Variants in KDM5C observed in about 807,000 individuals in gnomAD.
KDM5C encodes the protein lysine demethylase 5C, also known as lysine-specific demethylase 5C.
KDM5C carries 16 observed loss-of-function variants against 110.6 expected under a neutral mutation model. The observed-to-expected ratio is 0.14, with a 90% CI of 0.10 to 0.22. KDM5C has a LOEUF of 0.22. KDM5C is among the 10% of genes least tolerant of loss of function. The pLI is 1.00. For missense variants in KDM5C, 681 were observed against 1,300.9 expected (o/e 0.52, Z 7.33); for synonymous variants, 511 against 520.4 (o/e 0.98, Z 0.24).
downstream of KDM5C, chrX:53,191,406 T>C: frequency 3.4e-5 from 6 of 174,963 alleles, no homozygotes; most frequent in Non-Finnish European, 6.6e-5. Context: ...GGATATGGAG[T>C]TTCTTTCTGC....
rs1556848056 is a variant in KDM5C, at chrX:53,210,281, C to T, written c.1746+133G>A. 12 of 837,883 alleles carry T rather than the reference C, an allele frequency of 1.4e-5. No homozygotes were observed. Among genetic ancestry groups the T allele is most frequent in the African/African-American group, 1.0e-4 (5 of 49,369 alleles). The allele number at this position is 837,883 out of a possible 1,213,427, so 69.1% of individuals were successfully genotyped here. A position where few individuals can be genotyped will look rare whatever the true frequency, so the allele number is the denominator to read the frequency against. Reference sequence around the variant, plus strand: ...GGGTCTCTACTAGACTAGTCAAACCCGTAGCCCAATTAAGAACAGCAATGA... The same window carrying T: ...GGGTCTCTACTAGACTAGTCAAACCTGTAGCCCAATTAAGAACAGCAATGA... On this transcript the variant is annotated intron_variant, in intron 12 of 25. Coordinates refer to ENST00000375401, the MANE Select transcript of KDM5C (RefSeq NM_004187.5).
chrX:53,177,927 C>T (rs191036672), intron 25 of KDM5C, among the ~76,000 whole-genome samples: 9 of 111,608 alleles, frequency 8.1e-5, no homozygotes, highest in South Asian at 3.8e-4. Context: ...GGCGTGATCA[C>T]GGCTCACTGC....
rs1934734016 is a variant in KDM5C, at chrX:53,195,084, A to G, written c.3301-16T>C. On this transcript the variant is annotated splice_polypyrimidine_tract_variant and intron_variant, in intron 21 of 25. Coordinates refer to ENST00000375401, the MANE Select transcript of KDM5C (RefSeq NM_004187.5). ...GGCAGAGAACCTGGGGCAGGCAGAC[A>G]AGAGAGGGAATGACTGGGCTTCCCT... 1 of 1,206,173 alleles carries G rather than the reference A, an allele frequency of 8.3e-7. No homozygotes were observed.
rs782581883 is a variant in KDM5C, at chrX:53,215,211, G to A, written c.964-364C>T. 20 of 375,827 alleles carry A rather than the reference G, an allele frequency of 5.3e-5. No homozygotes were observed. The East Asian group carries it at 1.3e-3, about 25-fold the overall frequency. The allele number at this position is 375,827 out of a possible 1,213,427, so 31.0% of individuals were successfully genotyped here. A position where few individuals can be genotyped will look rare whatever the true frequency, so the allele number is the denominator to read the frequency against. On this transcript the variant is annotated intron_variant, in intron 7 of 25. Transcript: ENST00000375401. The stretch of plus-strand genomic sequence containing the variant: ...AAGGGCACTGTGGGAGCCTAGAGAA[G>A]GAAGCACTCAAAGCAGCTGGAGATA...
intron 10 of KDM5C, 125 bp downstream of exon 10, chrX:53,211,372 A>C: frequency 1.3e-6 from 1 of 753,483 alleles, no homozygotes; most frequent in Non-Finnish European, 2.0e-6. Context: ...CATCTCATCT[A>C]AATCTCATGG....
intron 7 of KDM5C, chrX:53,215,161 TA>T: frequency 2.4e-6 from 1 of 424,825 alleles, no homozygotes; most frequent in Non-Finnish European, 4.4e-6. Flanking sequence ...TCATAAAAAT[TA>T]AAAATTGCCA....
chrX:53,204,791 C>T (rs781836990), intron 12 of KDM5C, among the ~76,000 whole-genome samples: 31 of 112,080 alleles, frequency 2.8e-4, no homozygotes, highest in African/African-American at 8.7e-4. Flanking sequence ...CCACTGCACC[C>T]GGCCCTCACA....
At chrX:53,178,614 T>A (rs1466364342) in intron 25 of KDM5C, among the ~76,000 whole-genome samples, 1 of 112,115 alleles carries the variant, frequency 8.9e-6, no homozygotes, top group African/African-American at 3.2e-5. Context: ...CTTCAAAAAA[T>A]TAACTCAAAG....
intron 19 of KDM5C, 90 bp downstream of exon 19, chrX:53,196,596 T>C (rs1396636573): frequency 1.3e-6 from 1 of 753,371 alleles, no homozygotes. Flanking sequence ...GCGTGATACC[T>C]AAGGCCACCC....
In KDM5C at chrX:53,224,928, G is replaced by A. The variant is rs2073998725; in HGVS notation, c.-39C>T. On this transcript the variant is annotated 5_prime_UTR_variant, in exon 1 of 26. Coordinates refer to ENST00000375401, the MANE Select transcript of KDM5C (RefSeq NM_004187.5). ...TCTGGGCCAGGGATCGGGAGGCTTG[G>A]ACCGCCCTTAAGGACTCATGGCGCC... 1.7e-6 allele frequency: 2 copies of A among 1,176,815 alleles called. No individual in the cohort carries two copies. Among genetic ancestry groups the A allele is most frequent in the African/African-American group, 3.5e-5 (2 of 56,396 alleles).
intron 25 of KDM5C, among the ~76,000 whole-genome samples, chrX:53,180,479 G>C (rs1051745163): frequency 1.8e-5 from 2 of 110,986 alleles, no homozygotes; most frequent in Non-Finnish European, 3.8e-5. Flanking sequence ...CCACTCTGCT[G>C]GGGATGTTGA....
chrX:53,193,186 C>T lies in KDM5C; in HGVS notation c.4464G>A (p.Glu1488=), dbSNP rs782089704. 1 of 1,210,757 alleles carries T rather than the reference C, an allele frequency of 8.3e-7. No individual in the cohort carries two copies. The highest frequency in any genetic ancestry group is 3.0e-5 in the East Asian group (1 of 33,748). Residue 1488 remains glutamate (E), a synonymous_variant, in exon 26 of 26, where the codon GAG becomes GAA. Coordinates refer to ENST00000375401, the MANE Select transcript of KDM5C (RefSeq NM_004187.5). ...EPKRVRSSGP[E]AEEVQEEEEL... ...CTTCCTCCTCCTGGACCTCCTCAGC[C>T]TCTGGCCCTGAGCTCCGTACCCTCT...
intron 25 of KDM5C, among the ~76,000 whole-genome samples, chrX:53,185,600 G>T (rs1934194620): frequency 8.9e-6 from 1 of 111,815 alleles, no homozygotes; most frequent in Non-Finnish European, 1.9e-5. Context: ...AATCATGAAT[G>T]GGCTCCCTGA....
downstream of KDM5C, among the ~76,000 whole-genome samples, chrX:53,187,172 A>G (rs1208220226): frequency 9.0e-6 from 1 of 111,160 alleles, no homozygotes; most frequent in Non-Finnish European, 1.9e-5. Context: ...ATCTGGCTAT[A>G]AGCCACTGCT....
chrX:53,192,882 C>CCCCCCCCACCCA lies in KDM5C; in HGVS notation c.*84_*85insTGGGTGGGGGGG. On this transcript the variant is annotated 3_prime_UTR_variant, in exon 26 of 26. Coordinates refer to ENST00000375401, the MANE Select transcript of KDM5C (RefSeq NM_004187.5). ...GGCCACCCCCCTACCCGCCCACCCCCCAAGAAGCAGGCTTGATGGTCAGAA... is the reference window on the plus strand; with the variant it reads ...GGCCACCCCCCTACCCGCCCACCCCCCCCCCCCACCCACAAGAAGCAGGCTTGATGGTCAGAA... The CCCCCCCCACCCA allele has an allele frequency of 9.4e-7, 1 of 1,061,106 alleles. No homozygotes were observed. Among genetic ancestry groups the CCCCCCCCACCCA allele is most frequent in the Admixed American group, 3.4e-5 (1 of 29,583 alleles). 87.4% of individuals were successfully genotyped at this position (1,061,106 alleles called of 1,213,427 possible). A position where few individuals can be genotyped will look rare whatever the true frequency, so the allele number is the denominator to read the frequency against.
At chrX:53,208,016 A>G (rs1261456354) in intron 12 of KDM5C, among the ~76,000 whole-genome samples, 3 of 108,051 alleles carry the variant, frequency 2.8e-5, no homozygotes, top group African/African-American at 6.7e-5. Flanking sequence ...CTTACATTAC[A>G]TATCTATAAA....
At chrX:53,222,706 A>C (rs1189117045) in intron 1 of KDM5C, among the ~76,000 whole-genome samples, 3 of 111,510 alleles carry the variant, frequency 2.7e-5, no homozygotes, top group Non-Finnish European at 5.7e-5. Flanking sequence ...TGGTGATAAA[A>C]AAAAGGCTGG....
intron 3 of KDM5C, 60 bp downstream of exon 3, chrX:53,218,216 C>CA: frequency 6.6e-6 from 8 of 1,203,966 alleles, no homozygotes; most frequent in Non-Finnish European, 9.0e-6. Context: ...AGGGGGCCCC[C>CA]AGAGTATCAA....
chrX:53,217,039 A>C, intron 5 of KDM5C, 104 bp downstream of exon 5: 1 of 981,003 alleles, frequency 1.0e-6, no homozygotes, highest in South Asian at 2.1e-5. Flanking sequence ...GAACTCAGAG[A>C]ACAAAAGAAG....
Sources: allele counts gnomAD v4.1 joint callset (sites outside exome capture counted in the v4.1 genomes callset), GRCh38; gene constraint gnomAD v4.1.1; transcripts MANE v1.5; gene names NCBI Gene and HGNC (gene_info 2026-07-23, HGNC 2026-07-21).